The following MAP3K20 variants were observed in gnomAD, a reference collection of about 807,000 sequenced individuals.
The protein encoded by MAP3K20 is HCCS-4.
A neutral mutation model predicts 85.7 loss-of-function variants in MAP3K20; 40 were observed. The observed-to-expected ratio is 0.47, with a 90% CI of 0.36 to 0.61. MAP3K20 has a LOEUF of 0.61. MAP3K20 is among the 20% of genes least tolerant of loss of function. The probability of loss-of-function intolerance (pLI) is 0.00; values close to 1 mark genes in which losing one functional copy is unlikely to be tolerated. For synonymous variants in MAP3K20, 325 were observed against 327.7 expected (o/e 0.99, Z 0.09); for missense variants, 817 against 961.7 (o/e 0.85, Z 1.99).
intron 10 of MAP3K20, chr2:173,210,065 A>G (rs987420768): frequency 1.4e-5 from 7 of 507,264 alleles, no homozygotes; most frequent in African/African-American, 1.4e-4. Context: ...TGAAAAGAAT[A>G]TTGAGGCCGG....
intron 2 of MAP3K20, among the ~76,000 whole-genome samples, chr2:173,156,589 G>A (rs1228108052): frequency 2.0e-5 from 3 of 152,150 alleles, no homozygotes; most frequent in Non-Finnish European, 4.4e-5. Flanking sequence ...TAAAGACCGT[G>A]CAACCTAGAT....
intron 2 of MAP3K20, among the ~76,000 whole-genome samples, chr2:173,097,249 G>A (rs927616446): frequency 7.9e-5 from 12 of 152,072 alleles, no homozygotes; most frequent in African/African-American, 2.9e-4. Flanking sequence ...CCAGCTACTC[G>A]GGAGGCTGAG....
rs750933455 is a variant in MAP3K20 at position 173,203,849 on chromosome 2, G to A, written c.723G>A (p.Gln241=). ...GAAGTTTTGCTGAACTGTTACATCA[G>A]TGTTGGGAAGCTGATGCCAAGGTAT... ...CPRSFAELLH[Q]CWEADAKKRP... is the part of the protein sequence containing the mutation. The change falls in exon 9 of 20, where the codon CAG becomes CAA. Residue 241 remains glutamine (Q), a synonymous_variant. Transcript: ENST00000375213. The A allele has an allele frequency of 6.2e-7, 1 of 1,613,910 alleles. No individual in the cohort carries two copies.
intron 2 of MAP3K20, among the ~76,000 whole-genome samples, chr2:173,134,673 C>A (rs1245582437): frequency 6.6e-6 from 1 of 151,354 alleles, no homozygotes; most frequent in Non-Finnish European, 1.5e-5. Flanking sequence ...GGAACTGATA[C>A]TTCCTCCATG....
At chr2:173,087,379 A>C (rs1687171943) in intron 1 of MAP3K20, among the ~76,000 whole-genome samples, 1 of 152,124 alleles carries the variant, frequency 6.6e-6, no homozygotes, top group Non-Finnish European at 1.5e-5. Flanking sequence ...GTGAGAGGTC[A>C]GTGTATATTG....
chr2:173,212,881 G>C (rs1239511074), intron 10 of MAP3K20: 1 of 150,990 alleles, frequency 6.6e-6, no homozygotes, highest in Non-Finnish European at 1.5e-5. Context: ...TCACTGAAAA[G>C]GGTAAACCAG....
chr2:173,127,737 A>T (rs199814597), intron 2 of MAP3K20, among the ~76,000 whole-genome samples: 1 of 35,336 alleles, frequency 2.8e-5, no homozygotes, highest in African/African-American at 5.9e-4. Flanking sequence ...ATGTTAGGAC[A>T]AAAAAAAAAA....
chr2:173,211,306 C>G, intron 10 of MAP3K20: 1 of 152,170 alleles, frequency 6.6e-6, no homozygotes, highest in East Asian at 1.9e-4. Context: ...CTCACCAGAC[C>G]CTCATTACTG....
chr2:173,204,829 C>T lies in MAP3K20; in HGVS notation c.744+959C>T, dbSNP rs891679399. On this transcript the variant is annotated intron_variant, in intron 9 of 19. Transcript: ENST00000375213. The stretch of plus-strand genomic sequence containing the variant: ...GTTAAAAAATAAAAAATAGGCTGGG[C>T]GCGGTGGCTCACGCCTGTAATCCCA... Among the ~76,000 whole-genome samples, 331 of 152,162 alleles carry T rather than the reference C, an allele frequency of 2.2e-3. 4 individuals carry two copies. The highest frequency in any genetic ancestry group is 2.7e-3 in the Non-Finnish European group (184 of 67,998).
intron 2 of MAP3K20, among the ~76,000 whole-genome samples, chr2:173,091,863 A>G (rs1221123600): frequency 6.6e-6 from 1 of 152,232 alleles, no homozygotes; most frequent in Non-Finnish European, 1.5e-5. Flanking sequence ...TGGTTGTCAC[A>G]TTCAGTTTGG....
intron 9 of MAP3K20, among the ~76,000 whole-genome samples, chr2:173,204,415 T>C (rs1022961034): frequency 2.0e-5 from 3 of 152,206 alleles, no homozygotes; most frequent in African/African-American, 7.2e-5. Flanking sequence ...ATTTTGCTTT[T>C]CTAGCCAAAG....
intron 10 of MAP3K20, chr2:173,212,469 G>C (rs558346784): frequency 2.0e-5 from 3 of 152,262 alleles, no homozygotes; most frequent in South Asian, 4.1e-4. Context: ...GAAGGGATTA[G>C]TAAGATTTTA....
intron 11 of MAP3K20, chr2:173,223,220 A>G: frequency 1.0e-6 from 1 of 985,438 alleles, no homozygotes; most frequent in Non-Finnish European, 1.2e-6. Context: ...TAGGTGGCAT[A>G]GTGATGAAGA....
intron 2 of MAP3K20, among the ~76,000 whole-genome samples, chr2:173,095,592 C>A (rs1687435496): frequency 6.6e-6 from 1 of 152,152 alleles, no homozygotes; most frequent in Admixed American, 6.5e-5. Context: ...TATCAAGAAT[C>A]TTAAAATGTT....
intron 2 of MAP3K20, among the ~76,000 whole-genome samples, chr2:173,126,580 A>G (rs1437935045): frequency 2.6e-5 from 4 of 152,138 alleles, no homozygotes; most frequent in Non-Finnish European, 4.4e-5. Flanking sequence ...GGGTTTCACC[A>G]TGTTGGCCAG....
chr2:173,228,777 T>G (rs1684450956), intron 11 of MAP3K20, among the ~76,000 whole-genome samples: 1 of 150,198 alleles, frequency 6.7e-6, no homozygotes, highest in Admixed American at 6.7e-5. Flanking sequence ...TCACCTACCC[T>G]ATGATTTTTA....
chr2:173,249,487 T>C lies in MAP3K20; in HGVS notation c.1360-9212T>C, dbSNP rs562421795. On this transcript the variant is annotated intron_variant, in intron 16 of 19. Coordinates refer to ENST00000375213, the MANE Select transcript of MAP3K20 (RefSeq NM_016653.3). ...ACAATGCCTACTAACTAGGTTAGTG[T>C]TTCTTTGAAAATCATATTTCTTCGA... Among the ~76,000 whole-genome samples the C allele has an allele frequency of 2.6e-5, 4 of 152,332 alleles. No homozygotes were observed. The East Asian group carries it at 7.7e-4, about 29-fold the overall frequency.
intron 2 of MAP3K20, among the ~76,000 whole-genome samples, chr2:173,168,285 G>A (rs1689897940): frequency 6.6e-6 from 1 of 152,082 alleles, no homozygotes; most frequent in Non-Finnish European, 1.5e-5. Context: ...CACTCAATAA[G>A]TATTAAGGAA....
intron 16 of MAP3K20, among the ~76,000 whole-genome samples, chr2:173,245,741 GGCCAACATGGT>G (rs1271233958): frequency 1.3e-5 from 2 of 152,172 alleles, no homozygotes; most frequent in Admixed American, 1.3e-4. Flanking sequence ...AGGCCAGCCT[GGCCAACATGGT>G]GAAACCCCAT....
Sources: allele counts gnomAD v4.1 joint callset (sites outside exome capture counted in the v4.1 genomes callset), GRCh38; gene constraint gnomAD v4.1.1; transcripts MANE v1.5; gene names NCBI Gene and HGNC (gene_info 2026-07-23, HGNC 2026-07-21).